The following CREBBP variants were observed in gnomAD, a reference collection of about 807,000 sequenced individuals.
CREBBP encodes the protein CREB binding lysine acetyltransferase, also known as CREB-binding protein.
Under a neutral mutation model 265.0 loss-of-function variants are expected in CREBBP, and 19 were observed. That is an observed-to-expected ratio of 0.07 (90% CI 0.05 to 0.11). The LOEUF (loss-of-function observed/expected upper bound fraction) is 0.11, where lower values mean the gene tolerates loss of function less well. CREBBP is among the 10% of genes least tolerant of loss of function. The pLI, the probability that CREBBP is intolerant of heterozygous loss-of-function variation, is 1.00. For synonymous variants in CREBBP, 1,457 were observed against 1,223.7 expected (o/e 1.19, Z -3.98); for missense variants, 2,525 against 3,219.0 (o/e 0.78, Z 5.22).
At chr16:3,856,952 G>T (rs2141527142) in intron 1 of CREBBP, among the ~76,000 whole-genome samples, 1 of 152,312 alleles carries the variant, frequency 6.6e-6, no homozygotes, top group South Asian at 2.1e-4. Context: ...GCTGGCCTCA[G>T]TGTAGAACAA....
At chr16:3,757,168 C>T in intron 19 of CREBBP, 120 bp downstream of exon 19, 1 of 840,556 alleles carries the variant, frequency 1.2e-6, no homozygotes, top group Middle Eastern at 2.4e-4. Context: ...GCCACCACAC[C>T]CGGCCTGAAA....
At chr16:3,749,542 T>C in intron 21 of CREBBP, 85 bp downstream of exon 21, 1 of 880,858 alleles carries the variant, frequency 1.1e-6, no homozygotes, top group South Asian at 1.5e-5. Flanking sequence ...TTCCAATGTT[T>C]TTACCCACAA....
chr16:3,760,405 T>TTTTTTTTG, intron 16 of CREBBP, among the ~76,000 whole-genome samples: 1 of 131,276 alleles, frequency 7.6e-6, no homozygotes, highest in Admixed American at 7.5e-5. Context: ...TTTTTTTTTT[T>TTTTTTTTG]TTTTTTTTTT....
At chr16:3,784,001 T>C (rs547278262) in intron 5 of CREBBP, among the ~76,000 whole-genome samples, 32 of 152,252 alleles carry the variant, frequency 2.1e-4, no homozygotes, top group Non-Finnish European at 4.1e-4. Context: ...ATTTATCATA[T>C]GGCAGAAGTT....
intron 3 of CREBBP, among the ~76,000 whole-genome samples, chr16:3,806,917 T>C (rs2053842127): frequency 6.6e-6 from 1 of 152,184 alleles, no homozygotes; most frequent in Non-Finnish European, 1.5e-5. Flanking sequence ...TCTTCTCAAC[T>C]TTCCAATCTT....
chr16:3,819,436 A>G (rs1005191540), intron 2 of CREBBP, among the ~76,000 whole-genome samples: 1 of 152,240 alleles, frequency 6.6e-6, no homozygotes, highest in Non-Finnish European at 1.5e-5. Flanking sequence ...ATCATTCTAC[A>G]CTACATATGA....
In CREBBP at chr16:3,749,662, A is replaced by C; in HGVS notation, c.3801T>G (p.Phe1267Leu). Residue 1267 changes from phenylalanine (F) to leucine (L), a missense_variant, in exon 21 of 31, where the codon TTT (phenylalanine) becomes TTG (leucine). This residue lies in a region of CREBBP where 252 missense variants were observed against 452.5 expected (regional missense o/e 0.56). Transcript: ENST00000262367. ...QPQTTISKDQ[F>L]EKKKNDTLDP... The stretch of plus-strand genomic sequence containing the variant: ...CTAAGGTATCATTTTTCTTCTTTTC[A>C]AACTGATCCTTTGAAATTGTCCTTG... 1 of 1,604,214 alleles carries C rather than the reference A, an allele frequency of 6.2e-7. No homozygotes were observed. Among genetic ancestry groups the C allele is most frequent in the Non-Finnish European group, 8.5e-7 (1 of 1,171,826 alleles).
intron 1 of CREBBP, among the ~76,000 whole-genome samples, chr16:3,853,810 G>A (rs559237317): frequency 2.6e-5 from 4 of 151,684 alleles, no homozygotes; most frequent in Non-Finnish European, 5.9e-5. Flanking sequence ...GGTGGCAGGC[G>A]CCTGTAATTG....
At chr16:3,858,774 T>G (rs1035356173) in intron 1 of CREBBP, among the ~76,000 whole-genome samples, 1 of 152,240 alleles carries the variant, frequency 6.6e-6, no homozygotes, top group Non-Finnish European at 1.5e-5. Context: ...GACTTTTTCC[T>G]ATTGCCCTCT....
At chr16:3,810,087 C>A (rs2053906846) in intron 3 of CREBBP, among the ~76,000 whole-genome samples, 1 of 152,202 alleles carries the variant, frequency 6.6e-6, no homozygotes, top group South Asian at 2.1e-4. Context: ...AAGGATAATT[C>A]CCATTTTATA....
At chr16:3,862,987 A>T (rs61615949) in intron 1 of CREBBP, among the ~76,000 whole-genome samples, 22 of 152,162 alleles carry the variant, frequency 1.4e-4, no homozygotes, top group African/African-American at 5.3e-4. Flanking sequence ...TTTAACATGG[A>T]AACATGATGA....
rs764823751 is a variant in CREBBP at position 3,739,697 on chromosome 16, T to A, written c.4161A>T (p.Glu1387Asp). Residue 1387 changes from glutamate to aspartate, a missense_variant, in exon 25 of 31, where the codon GAA (glutamate) becomes GAT (aspartate). Physicochemically the swap from Glu to Asp is conservative, Grantham distance 45 (BLOSUM62 2). Around this residue, in one of 19 missense-constraint regions of CREBBP, gnomAD observed 252 missense variants for 452.5 expected, o/e 0.56. Transcript: ENST00000262367. ...GAGCTTTGGTTCGATATGGGAAAGA[T>A]TCAGACATTTCCCCAGAATCCACAA... is the stretch of plus-strand genomic sequence containing the variant. Reference protein sequence around the residue: ...SRFVDSGEMSESFPYRTKALF... With the variant: ...SRFVDSGEMSDSFPYRTKALF... The A allele has an allele frequency of 1.9e-6, 3 of 1,614,230 alleles. No homozygotes were observed. Among genetic ancestry groups the A allele is most frequent in the Non-Finnish European group, 2.5e-6 (3 of 1,180,038 alleles).
intron 3 of CREBBP, among the ~76,000 whole-genome samples, chr16:3,799,534 T>C (rs979828178): frequency 1.6e-4 from 25 of 152,242 alleles, no homozygotes; most frequent in African/African-American, 4.8e-4. Flanking sequence ...TGCATTTCTT[T>C]TGACAGTAAC....
chr16:3,755,122 AGT>A (rs1418413847), intron 19 of CREBBP, among the ~76,000 whole-genome samples: 1 of 152,246 alleles, frequency 6.6e-6, no homozygotes, highest in Admixed American at 6.5e-5. Flanking sequence ...ACTTTTGTTT[AGT>A]AAAAATGAAG....
In CREBBP at chr16:3,850,370, G is replaced by T; in HGVS notation, c.725C>A (p.Thr242Asn). ...CATTTGCGGGGAAACCTGCGTTAGG[G>T]TCTCAGCCAGCACGCTGCTCGAGGC... ...QGASSSVLAE[T>N]LTQVSPQMTG... Residue 242 changes from threonine to asparagine, a missense_variant, in exon 2 of 31, where the codon ACC (threonine) becomes AAC (asparagine). Transcript: ENST00000262367. 1 of 1,614,244 alleles carries T rather than the reference G, an allele frequency of 6.2e-7. No homozygotes were observed. Among genetic ancestry groups the T allele is most frequent in the Non-Finnish European group, 8.5e-7 (1 of 1,180,050 alleles).
intron 5 of CREBBP, 26 bp from the exon 6 acceptor site, chr16:3,782,952 C>A: frequency 6.2e-7 from 1 of 1,613,884 alleles, no homozygotes; most frequent in Non-Finnish European, 8.5e-7. Flanking sequence ...GACAGACAGA[C>A]AAAAACGAGA....
intron 23 of CREBBP, among the ~76,000 whole-genome samples, chr16:3,744,293 G>T (rs947989071): frequency 1.3e-5 from 2 of 152,116 alleles, no homozygotes; most frequent in South Asian, 2.1e-4. Context: ...CAGACCCACG[G>T]CAGCCCACAT....
At chr16:3,879,689 C>G in intron 1 of CREBBP, 143 bp downstream of exon 1, 11 of 913,870 alleles carry the variant, frequency 1.2e-5, no homozygotes, top group Non-Finnish European at 1.7e-5. Flanking sequence ...CACCCTCCCG[C>G]GCGGGGCGAG....
chr16:3,735,353 A>G (rs779545079), intron 28 of CREBBP, among the ~76,000 whole-genome samples: 11 of 151,942 alleles, frequency 7.2e-5, no homozygotes, highest in Non-Finnish European at 1.5e-4. Context: ...CTGGAGTGCA[A>G]CGGCGCAATC....
Sources: allele counts gnomAD v4.1 joint callset (sites outside exome capture counted in the v4.1 genomes callset), GRCh38; gene constraint gnomAD v4.1.1; regional missense constraint gnomAD v4.1.1; transcripts MANE v1.5; gene names NCBI Gene and HGNC (gene_info 2026-07-23, HGNC 2026-07-21).